The following OR1J2 variants were observed in gnomAD, a reference collection of about 807,000 sequenced individuals.
OR1J2 encodes the protein olfactory receptor 1J2.
For synonymous variants in OR1J2, 142 were observed against 99.7 expected (o/e 1.42, Z -2.52); for missense variants, 304 against 246.1 (o/e 1.24, Z -1.57).
At chr9:122,453,056 T>C in the OR1J2 span, among the ~76,000 whole-genome samples, 3 of 137,660 alleles carry the variant, frequency 2.2e-5, no homozygotes, top group Non-Finnish European at 3.1e-5. Context: ...AAAAAATGGG[T>C]GTGGCACCTG....
chr9:122,448,602 C>G, the OR1J2 span, among the ~76,000 whole-genome samples: 157 of 152,272 alleles, frequency 1.0e-3, no homozygotes, highest in African/African-American at 3.4e-3. Flanking sequence ...CAATACCTGG[C>G]TTTCCTGGGC....
At chr9:122,572,216 C>A in the OR1J2 span, among the ~76,000 whole-genome samples, 4 of 152,164 alleles carry the variant, frequency 2.6e-5, no homozygotes, top group African/African-American at 9.7e-5. Context: ...CTAGGGCCCA[C>A]CTTCAACACT....
the OR1J2 span, among the ~76,000 whole-genome samples, chr9:122,561,135 G>C: frequency 6.6e-6 from 1 of 152,212 alleles, no homozygotes; most frequent in African/African-American, 2.4e-5. Flanking sequence ...TGATACTTGC[G>C]TATGCTTCAT....
the OR1J2 span, among the ~76,000 whole-genome samples, chr9:122,463,548 G>A: frequency 6.6e-6 from 1 of 152,102 alleles, no homozygotes; most frequent in East Asian, 1.9e-4. Flanking sequence ...TTCTCATTTG[G>A]GTAGACTATG....
chr9:122,550,442 C>CA, the OR1J2 span, among the ~76,000 whole-genome samples: 1 of 151,928 alleles, frequency 6.6e-6, no homozygotes, highest in Non-Finnish European at 1.5e-5. Context: ...TAAGGACACA[C>CA]AAAAAAGAAA....
At chr9:122,448,533 A>C in the OR1J2 span, among the ~76,000 whole-genome samples, 3 of 152,152 alleles carry the variant, frequency 2.0e-5, no homozygotes, top group Non-Finnish European at 4.4e-5. Context: ...GGGGATGGTT[A>C]GGTCTTTCCC....
chr9:122,569,573 T>A, the OR1J2 span, among the ~76,000 whole-genome samples: 1 of 76,920 alleles, frequency 1.3e-5, no homozygotes, highest in African/African-American at 5.1e-5. Flanking sequence ...CAAGCATTTT[T>A]AGATATTGGT....
the OR1J2 span, among the ~76,000 whole-genome samples, chr9:122,558,822 T>C: frequency 6.6e-6 from 1 of 151,996 alleles, no homozygotes; most frequent in African/African-American, 2.4e-5. Context: ...TATCATGCTT[T>C]TAAAATTATT....
chr9:122,528,525 G>A, the OR1J2 span, among the ~76,000 whole-genome samples: 2 of 152,184 alleles, frequency 1.3e-5, no homozygotes, highest in Non-Finnish European at 2.9e-5. Flanking sequence ...TTGAGCCTGG[G>A]AGTTGGAGGT....
At chr9:122,553,889 G>T in the OR1J2 span, 1 of 1,613,956 alleles carries the variant, frequency 6.2e-7, no homozygotes, top group South Asian at 1.1e-5. Context: ...GCATTTTCTG[G>T]GCTGTGTTTG....
At chr9:122,464,329 C>T in the OR1J2 span, among the ~76,000 whole-genome samples, 1 of 152,194 alleles carries the variant, frequency 6.6e-6, no homozygotes, top group South Asian at 2.1e-4. Context: ...CCAGCAGCAG[C>T]GAGTTTATTT....
At chr9:122,512,898 A>G (rs1324944173), downstream of OR1J2, among the ~76,000 whole-genome samples, 1 of 152,202 alleles carries the variant, frequency 6.6e-6, no homozygotes. Flanking sequence ...GTGAGCTATA[A>G]TAACTCTAAC....
upstream of OR1J2, chr9:122,510,693 C>G: frequency 1.4e-6 from 1 of 699,498 alleles, no homozygotes; most frequent in East Asian, 2.5e-5. Flanking sequence ...GTTCCTCTCC[C>G]TGTGTCTATG....
At chr9:122,577,208 T>C in the OR1J2 span, among the ~76,000 whole-genome samples, 1 of 152,210 alleles carries the variant, frequency 6.6e-6, no homozygotes, top group African/African-American at 2.4e-5. Flanking sequence ...AAGCATTTAA[T>C]CTATTCATAC....
chr9:122,468,204 A>AC, the OR1J2 span, among the ~76,000 whole-genome samples: 3 of 152,204 alleles, frequency 2.0e-5, no homozygotes, highest in African/African-American at 7.2e-5. Flanking sequence ...TGTAAAGAAA[A>AC]ACTGCAGTGA....
At chr9:122,575,185 G>A in the OR1J2 span, among the ~76,000 whole-genome samples, 5 of 151,976 alleles carry the variant, frequency 3.3e-5, no homozygotes, top group Non-Finnish European at 2.9e-5. Flanking sequence ...TTTGGTATTA[G>A]GATATTGTTG....
At chr9:122,506,735 C>G (rs1169162450), upstream of OR1J2, among the ~76,000 whole-genome samples, 2 of 151,858 alleles carry the variant, frequency 1.3e-5, no homozygotes, top group Non-Finnish European at 2.9e-5. Flanking sequence ...AAGACACACA[C>G]AGAGAGACAG....
At chr9:122,482,834 A>C in the OR1J2 span, among the ~76,000 whole-genome samples, 1 of 152,190 alleles carries the variant, frequency 6.6e-6, no homozygotes, top group Non-Finnish European at 1.5e-5. Context: ...CAGAGAGTAG[A>C]ATAGTGGTTA....
At chr9:122,478,986 C>T in the OR1J2 span, among the ~76,000 whole-genome samples, 16 of 152,106 alleles carry the variant, frequency 1.1e-4, no homozygotes, top group Admixed American at 4.6e-4. Flanking sequence ...CCTCAGCCTC[C>T]CAGAGTGCTG....
Sources: allele counts gnomAD v4.1 joint callset (sites outside exome capture counted in the v4.1 genomes callset), GRCh38; gene constraint gnomAD v4.1.1; transcripts MANE v1.5; gene names NCBI Gene and HGNC (gene_info 2026-07-23, HGNC 2026-07-21).